NAV3: variants seen among roughly 807,000 people sequenced by gnomAD.
NAV3 encodes pore membrane and/or filament interacting like protein 1.
Under a neutral mutation model 244.7 loss-of-function variants are expected in NAV3, and 87 were observed. The observed-to-expected ratio is 0.36, with a 90% CI of 0.30 to 0.42. The LOEUF is 0.42. Among genes scored for constraint, NAV3 ranks in the 20% least tolerant of loss-of-function variants. The pLI, the probability that NAV3 is intolerant of heterozygous loss-of-function variation, is 1.00. For missense variants in NAV3, 2,663 were observed against 2,893.3 expected (o/e 0.92, Z 1.83); for synonymous variants, 1,126 against 1,042.2 (o/e 1.08, Z -1.55).
intron 2 of NAV3, among the ~76,000 whole-genome samples, chr12:77,715,672 T>C (rs1876326142): frequency 6.6e-6 from 1 of 152,040 alleles, no homozygotes; most frequent in Non-Finnish European, 1.5e-5. Context: ...GAGTTCTTTT[T>C]TCAATGTCTT....
intron 2 of NAV3, among the ~76,000 whole-genome samples, chr12:77,709,356 G>T (rs1875993377): frequency 1.3e-5 from 2 of 152,048 alleles, no homozygotes; most frequent in Non-Finnish European, 2.9e-5. Context: ...ATACTGAATG[G>T]GCAAAAACTG....
chr12:77,968,464 T>C, intron 4 of NAV3, 55 bp from the exon 5 acceptor site: 1 of 1,382,796 alleles, frequency 7.2e-7, no homozygotes, highest in South Asian at 1.2e-5. Context: ...TAGAATTTGT[T>C]AAAAAGGACA....
chr12:78,070,553 C>A (rs1354108628), intron 12 of NAV3, among the ~76,000 whole-genome samples: 1 of 151,836 alleles, frequency 6.6e-6, no homozygotes, highest in African/African-American at 2.4e-5. Flanking sequence ...GTTTAAATTT[C>A]TTTTTTTTAT....
At chr12:78,011,713 G>C (rs1026003909) in intron 8 of NAV3, among the ~76,000 whole-genome samples, 1 of 152,128 alleles carries the variant, frequency 6.6e-6, no homozygotes, top group African/African-American at 2.4e-5. Context: ...GTAATTATAT[G>C]AATGAGAGAC....
intron 2 of NAV3, among the ~76,000 whole-genome samples, chr12:77,686,392 C>T (rs1565771732): frequency 1.3e-5 from 2 of 148,970 alleles, no homozygotes; most frequent in African/African-American, 2.5e-5. Flanking sequence ...CGTGCCCCAC[C>T]GGATTTTTTC....
At chr12:77,693,908 T>C (rs1450439480) in intron 2 of NAV3, among the ~76,000 whole-genome samples, 1 of 152,092 alleles carries the variant, frequency 6.6e-6, no homozygotes, top group Non-Finnish European at 1.5e-5. Flanking sequence ...CAATCTTTAA[T>C]CCCAACTGAC....
intron 8 of NAV3, among the ~76,000 whole-genome samples, chr12:78,019,494 T>G (rs1876790945): frequency 6.6e-6 from 1 of 152,118 alleles, no homozygotes; most frequent in South Asian, 2.1e-4. Context: ...AGTATGAAGT[T>G]CTGAAAACAT....
intron 2 of NAV3, among the ~76,000 whole-genome samples, chr12:77,622,442 A>C (rs1592513111): frequency 6.6e-6 from 1 of 151,444 alleles, no homozygotes; most frequent in Admixed American, 6.6e-5. Context: ...TACAGGCTTG[A>C]GACACCGCAC....
chr12:77,949,936 G>A lies in NAV3; in HGVS notation c.414+8803G>A, dbSNP rs540071402. Among the ~76,000 whole-genome samples the A allele has an allele frequency of 1.1e-4, 17 of 152,098 alleles. 1 individual carries two copies. The South Asian group carries it at 2.1e-3, about 19-fold the overall frequency. On this transcript the variant is annotated intron_variant, in intron 3 of 39. Transcript: ENST00000397909. ...TACAGCATGTAGACTTTTCAGGTTG[G>A]CTTCTTTCACTTAGTAATATGGATT... is the stretch of plus-strand genomic sequence containing the variant.
intron 2 of NAV3, among the ~76,000 whole-genome samples, chr12:77,655,694 G>A (rs951523064): frequency 1.3e-5 from 2 of 152,020 alleles, no homozygotes. Flanking sequence ...AAATGTTAAG[G>A]GTAGCCAGAG....
intron 2 of NAV3, among the ~76,000 whole-genome samples, chr12:77,787,279 A>T (rs1190711077): frequency 1.3e-5 from 2 of 152,122 alleles, no homozygotes; most frequent in Admixed American, 1.3e-4. Context: ...ACCTACTAAC[A>T]ATTCCTTGAA....
intron 9 of NAV3, chr12:78,037,497 T>A (rs1880104306): frequency 1.7e-6 from 1 of 595,184 alleles, no homozygotes; most frequent in Admixed American, 2.9e-5. Flanking sequence ...GACTGATTTT[T>A]AAAAATACAT....
At chr12:77,981,672 C>T (rs764130764) in intron 5 of NAV3, among the ~76,000 whole-genome samples, 1 of 151,644 alleles carries the variant, frequency 6.6e-6, no homozygotes, top group African/African-American at 2.4e-5. Context: ...TAATTTCTGT[C>T]TTTTTAACAT....
At chr12:77,948,768 A>G (rs1890604340) in intron 3 of NAV3, among the ~76,000 whole-genome samples, 1 of 147,348 alleles carries the variant, frequency 6.8e-6, no homozygotes, top group South Asian at 2.1e-4. Flanking sequence ...TAACAATCTT[A>G]GTTTAGGAAA....
chr12:77,828,822 T>A (rs1873291985), upstream of NAV3, among the ~76,000 whole-genome samples: 1 of 152,196 alleles, frequency 6.6e-6, no homozygotes, highest in African/African-American at 2.4e-5. Flanking sequence ...TGTGAATCCT[T>A]TTTTTTCAAT....
chr12:77,794,167 G>A (rs112715922), intron 2 of NAV3, among the ~76,000 whole-genome samples: 98 of 152,178 alleles, frequency 6.4e-4, no homozygotes, highest in African/African-American at 2.2e-3. Flanking sequence ...TTTTGCTGGG[G>A]ATGTTTGTTT....
At chr12:78,180,091 A>G (rs1475293882) in intron 29 of NAV3, among the ~76,000 whole-genome samples, 1 of 152,138 alleles carries the variant, frequency 6.6e-6, no homozygotes, top group Non-Finnish European at 1.5e-5. Context: ...TAATGAGGAA[A>G]CTATAGAAAT....
intron 2 of NAV3, among the ~76,000 whole-genome samples, chr12:77,755,381 A>C (rs1408743762): frequency 6.6e-6 from 1 of 152,172 alleles, no homozygotes; most frequent in Non-Finnish European, 1.5e-5. Context: ...CTCTGTACCA[A>C]CTGTGTGCTG....
chr12:77,589,964 GT>G (rs1421865453), intron 2 of NAV3, among the ~76,000 whole-genome samples: 1 of 152,184 alleles, frequency 6.6e-6, no homozygotes, highest in Non-Finnish European at 1.5e-5. Flanking sequence ...TTCCCATAGG[GT>G]TTTTTGAGAA....
Sources: gnomAD v4.1 joint callset for allele counts (sites outside exome capture counted in the v4.1 genomes callset) on GRCh38, gnomAD v4.1.1 for gene constraint, MANE v1.5 for transcripts, NCBI Gene and HGNC (gene_info 2026-07-23, HGNC 2026-07-21) for gene names.